Variants in NFYC observed in about 807,000 individuals in gnomAD.
NFYC encodes the protein nuclear transcription factor Y subunit gamma.
A neutral mutation model predicts 53.1 loss-of-function variants in NFYC; 25 were observed. The ratio of observed to expected loss-of-function variants is 0.47; its 90% CI spans 0.34 to 0.66. The LOEUF (loss-of-function observed/expected upper bound fraction) is 0.66. Among genes scored for constraint, NFYC ranks in the 30% least tolerant of loss-of-function variants. NFYC has a pLI of 0.01. For synonymous variants in NFYC, 145 were observed against 152.6 expected (o/e 0.95, Z 0.37); for missense variants, 260 against 422.7 (o/e 0.62, Z 3.38).
chr1:40,760,878 C>T (rs985218260), intron 6 of NFYC, among the ~76,000 whole-genome samples: 7 of 152,244 alleles, frequency 4.6e-5, no homozygotes, highest in Admixed American at 3.9e-4. Context: ...AAGGCCTCGA[C>T]TGTATCATGA....
In NFYC at chr1:40,731,804, T is replaced by C. The variant is rs537054627; in HGVS notation, c.-8-7032T>C. Among the ~76,000 whole-genome samples, 28 of 152,352 alleles carry C rather than the reference T, an allele frequency of 1.8e-4. No homozygotes were observed. The South Asian group carries it at 5.0e-3, about 27-fold the overall frequency. ...TGGCCCCGGCCTTTATTTTTCTTAA[T>C]CTTTCTTCAATGTATGTATAGTTCA... is the stretch of plus-strand genomic sequence containing the variant. On this transcript the variant is annotated intron_variant, in intron 1 of 9. Transcript: ENST00000447388.
intron 2 of NFYC, among the ~76,000 whole-genome samples, chr1:40,743,344 A>G (rs1242295787): frequency 3.3e-5 from 5 of 152,228 alleles, no homozygotes; most frequent in Admixed American, 1.3e-4. Flanking sequence ...GTAAAACCCT[A>G]TATTCCCGCA....
chr1:40,770,735 C>G lies in NFYC; in HGVS notation c.915C>G (p.Thr305=), dbSNP rs1326341925. 6.2e-7 allele frequency: 1 copy of G among 1,614,004 alleles called. No homozygotes were observed. Among genetic ancestry groups the G allele is most frequent in the African/African-American group, 1.3e-5 (1 of 74,934 alleles). ...GQQLYQIQQV[T]MPAGQDLAQP... is the part of the protein sequence containing the mutation. ...AGCTCTACCAGATCCAGCAAGTCAC[C>G]ATGCCTGCGGGCCAGGACCTCGCCC... The change falls in exon 10 of 10, where the codon ACC becomes ACG. Residue 305 remains threonine, a synonymous_variant. Coordinates refer to ENST00000447388, the MANE Select transcript of NFYC (RefSeq NM_014223.5). This position sits in a 1 kb window ranked among gnomAD's most constrained non-coding sequence, Gnocchi z 5.3.
intron 1 of NFYC, among the ~76,000 whole-genome samples, chr1:40,704,777 A>C (rs976341164): frequency 3.3e-5 from 5 of 152,146 alleles, no homozygotes; most frequent in African/African-American, 1.2e-4. Context: ...ATTTGGTGGG[A>C]TTAGTGGTGA....
intron 1 of NFYC, among the ~76,000 whole-genome samples, chr1:40,729,437 A>G (rs1024796055): frequency 6.6e-6 from 1 of 152,234 alleles, no homozygotes; most frequent in African/African-American, 2.4e-5. Context: ...CTCAGCCTTC[A>G]TAGAATTGAG....
intron 2 of NFYC, among the ~76,000 whole-genome samples, chr1:40,745,258 T>C (rs1487475887): frequency 2.0e-5 from 3 of 152,172 alleles, no homozygotes; most frequent in Non-Finnish European, 4.4e-5. Context: ...GGAACGTTCT[T>C]GTACAAATTA....
At chr1:40,759,535 CAAA>C (rs912688363) in intron 6 of NFYC, among the ~76,000 whole-genome samples, 2 of 130,988 alleles carry the variant, frequency 1.5e-5, no homozygotes, top group Non-Finnish European at 3.3e-5. Flanking sequence ...GATCCTGTCT[CAAA>C]AAAAAAACAA....
intron 1 of NFYC, among the ~76,000 whole-genome samples, chr1:40,713,695 G>C (rs184570540): frequency 7.2e-5 from 11 of 152,270 alleles, no homozygotes; most frequent in Admixed American, 4.6e-4. Context: ...CCTAATCCAA[G>C]TCTTTCAGCT....
intron 1 of NFYC, among the ~76,000 whole-genome samples, chr1:40,707,063 G>T (rs377720580): frequency 1.3e-5 from 2 of 151,818 alleles, no homozygotes; most frequent in African/African-American, 4.8e-5. Context: ...CTAGCTACTC[G>T]GGAGGCCGAG....
At chr1:40,765,734 T>G (rs1247216157) in intron 7 of NFYC, among the ~76,000 whole-genome samples, 1 of 152,254 alleles carries the variant, frequency 6.6e-6, no homozygotes, top group East Asian at 1.9e-4. Context: ...TCATCTTTGC[T>G]GAGCTACAGT....
chr1:40,763,705 C>G (rs1343945402), intron 7 of NFYC, among the ~76,000 whole-genome samples: 3 of 152,114 alleles, frequency 2.0e-5, no homozygotes, highest in Non-Finnish European at 4.4e-5. Flanking sequence ...ACCTATATGC[C>G]CAGTGTTCCT....
At chr1:40,733,734 T>A (rs1176022977) in intron 1 of NFYC, among the ~76,000 whole-genome samples, 4 of 151,192 alleles carry the variant, frequency 2.6e-5, no homozygotes, top group Non-Finnish European at 1.5e-5. Flanking sequence ...AATGCCTATT[T>A]AAAAATTTTT....
intron 7 of NFYC, among the ~76,000 whole-genome samples, chr1:40,763,738 T>A (rs1646681348): frequency 6.6e-6 from 1 of 152,208 alleles, no homozygotes; most frequent in Non-Finnish European, 1.5e-5. Context: ...CTTCACTGTG[T>A]TTGTTCCCTG....
intron 1 of NFYC, among the ~76,000 whole-genome samples, chr1:40,718,860 TTTTTGTTTTG>T (rs370129441): frequency 0.012 from 1,861 of 152,234 alleles, 33 homozygotes; most frequent in African/African-American, 0.042. Flanking sequence ...ATGGTGGTTT[TTTTTGTTTTG>T]TTTTGTTTTG....
chr1:40,747,876 T>C (rs4660173), intron 3 of NFYC, among the ~76,000 whole-genome samples: 32,128 of 150,448 alleles, frequency 0.21, 4,065 homozygotes, highest in South Asian at 0.41. Context: ...TACTCTGTTA[T>C]CCAGGCCGCA....
intron 3 of NFYC, among the ~76,000 whole-genome samples, chr1:40,748,512 C>T (rs1284562929): frequency 2.0e-5 from 3 of 152,140 alleles, no homozygotes; most frequent in South Asian, 2.1e-4. Context: ...ATCATCTTAG[C>T]GTCTTACATA....
chr1:40,724,545 T>TAATA (rs1644441677), intron 1 of NFYC, among the ~76,000 whole-genome samples: 1 of 152,244 alleles, frequency 6.6e-6, no homozygotes, highest in African/African-American at 2.4e-5. Context: ...TGATAGTGTT[T>TAATA]TATTGCTGTT....
chr1:40,770,940 C>A lies in NFYC; in HGVS notation c.*112C>A. The A allele has an allele frequency of 9.1e-7, 1 of 1,101,672 alleles. No individual in the cohort carries two copies. Among genetic ancestry groups the A allele is most frequent in the South Asian group, 1.4e-5 (1 of 71,676 alleles). 68.2% of individuals were successfully genotyped at this position (1,101,672 alleles called of 1,614,324 possible). The stretch of plus-strand genomic sequence containing the variant: ...ACCCGGCCGACCTCAGCGCCTCCTG[C>A]AGGCTAGGACACTGGTGCACTACAC... On this transcript the variant is annotated 3_prime_UTR_variant, in exon 10 of 10. Coordinates refer to ENST00000447388, the MANE Select transcript of NFYC (RefSeq NM_014223.5). This position sits in a 1 kb window ranked among gnomAD's most constrained non-coding sequence, Gnocchi z 5.3.
chr1:40,736,517 A>G (rs1191282598), intron 1 of NFYC, among the ~76,000 whole-genome samples: 1 of 152,200 alleles, frequency 6.6e-6, no homozygotes, highest in African/African-American at 2.4e-5. Context: ...TGGCTCACAT[A>G]GCTCCCTGCC....
Sources: gnomAD v4.1 joint callset for allele counts (sites outside exome capture counted in the v4.1 genomes callset) on GRCh38, gnomAD v4.1.1 for gene constraint, Gnocchi (gnomAD v3.1) non-coding constraint, MANE v1.5 for transcripts, NCBI Gene and HGNC (gene_info 2026-07-23, HGNC 2026-07-21) for gene names.